The following ANKMY1 variants were observed in gnomAD, a reference collection of about 807,000 sequenced individuals.
ANKMY1 encodes the protein ankyrin repeat and MYND domain-containing protein 1.
A neutral mutation model predicts 102.0 loss-of-function variants in ANKMY1; 98 were observed. The observed-to-expected ratio is 0.96, with a 90% confidence interval of 0.82 to 1.14. The LOEUF (loss-of-function observed/expected upper bound fraction) is 1.14, where lower values mean the gene tolerates loss of function less well. ANKMY1 is among the 50% of genes most tolerant of loss of function. The pLI is 0.00. For synonymous variants in ANKMY1, 582 were observed against 559.9 expected (o/e 1.04, Z -0.56); for missense variants, 1,330 against 1,347.6 (o/e 0.99, Z 0.20).
chr2:240,508,523 C>T (rs2079501458), intron 12 of ANKMY1, among the ~76,000 whole-genome samples: 1 of 152,230 alleles, frequency 6.6e-6, no homozygotes, highest in African/African-American at 2.4e-5. Flanking sequence ...TTTCATGCCA[C>T]CCTGCTAAAG....
intron 4 of ANKMY1, among the ~76,000 whole-genome samples, chr2:240,537,355 T>C (rs1338839239): frequency 2.0e-5 from 3 of 152,228 alleles, no homozygotes; most frequent in African/African-American, 7.2e-5. Context: ...CAAAAAACAA[T>C]ATCCAGTCAA....
At chr2:240,561,032 G>C (rs780978886), upstream of ANKMY1, 5 of 1,533,260 alleles carry the variant, frequency 3.3e-6, no homozygotes, top group Admixed American at 2.1e-5. Context: ...TCTGCACCGC[G>C]TACCTCATGC....
intron 17 of ANKMY1, among the ~76,000 whole-genome samples, chr2:240,479,907 C>T (rs1001262468): frequency 2.6e-5 from 4 of 152,102 alleles, no homozygotes; most frequent in African/African-American, 9.7e-5. Flanking sequence ...TCACCGAGGG[C>T]GCCTGTTATT....
upstream of ANKMY1, chr2:240,560,975 C>T (rs769769611): frequency 5.0e-5 from 76 of 1,521,008 alleles, no homozygotes; most frequent in Non-Finnish European, 5.9e-5. Flanking sequence ...GCGCCGGCGG[C>T]GCCTGCCTAG....
chr2:240,471,471 C>T, the ANKMY1 span, among the ~76,000 whole-genome samples: 2 of 151,978 alleles, frequency 1.3e-5, no homozygotes, highest in Admixed American at 1.3e-4. Context: ...ACCCTGAGAA[C>T]TTTAGATGAC....
rs992512929 is a variant in ANKMY1, at chr2:240,513,102, G to A, written c.2005-160C>T. Among the ~76,000 whole-genome samples the A allele has an allele frequency of 2.6e-5, 4 of 152,344 alleles. No homozygotes were observed. In the East Asian group the frequency reaches 7.7e-4, roughly 29 times the overall value. On this transcript the variant is annotated intron_variant, in intron 9 of 17. Coordinates refer to ENST00000401804, the MANE Select transcript of ANKMY1 (RefSeq NM_001282771.3). The stretch of plus-strand genomic sequence containing the variant: ...AACGTGCAGGCTACTGGTCCCTGAA[G>A]GCAGTGTGGGCAAACTCCCAACACG...
chr2:240,509,410 G>A lies in ANKMY1; in HGVS notation c.2332C>T (p.Pro778Ser), dbSNP rs751654113. 3 of 1,613,826 alleles carry A rather than the reference G, an allele frequency of 1.9e-6. No individual in the cohort carries two copies. Among genetic ancestry groups the A allele is most frequent in the Non-Finnish European group, 2.5e-6 (3 of 1,179,878 alleles). ...VRLLLSHGAN[P>S]NLLWSGHSPL... Reference sequence around the variant, plus strand: ...GAGTGGCCACTCCACAGCAGGTTAGGATTTGCTCCGTGGGATAGAAGGAGC... The same window carrying A: ...GAGTGGCCACTCCACAGCAGGTTAGAATTTGCTCCGTGGGATAGAAGGAGC... Residue 778 changes from proline (P) to serine (S), a missense_variant, in exon 12 of 18, where the codon CCT becomes TCT. Physicochemically the swap from Pro to Ser is moderately conservative, Grantham distance 74 (BLOSUM62 -1). Transcript: ENST00000401804.
Position 240,557,988 on chromosome 2 carries a change from C to T in ANKMY1, c.-125G>A. The T allele has an allele frequency of 2.0e-6, 2 of 985,502 alleles. No homozygotes were observed. The highest frequency in any genetic ancestry group is 5.2e-4 in the Middle Eastern group (1 of 1,912). The allele number at this position is 985,502 out of a possible 1,614,324, so 61.0% of individuals were successfully genotyped here. A position where few individuals can be genotyped will look rare whatever the true frequency, so the allele number is the denominator to read the frequency against. ...CGACTGCTTGCCAGCCCTGCGCCTACGGAGAGCGTCGCGTTTCCCTGGAGA... is the reference window on the plus strand; with the variant it reads ...CGACTGCTTGCCAGCCCTGCGCCTATGGAGAGCGTCGCGTTTCCCTGGAGA... On this transcript the variant is annotated 5_prime_UTR_variant, in exon 1 of 18. Coordinates refer to ENST00000401804, the MANE Select transcript of ANKMY1 (RefSeq NM_001282771.3).
upstream of ANKMY1, chr2:240,561,054 C>G (rs2092937674): frequency 6.7e-7 from 1 of 1,501,164 alleles, no homozygotes; most frequent in African/African-American, 1.4e-5. Context: ...GCACCGCGGC[C>G]TCAGCCTGGC....
At chr2:240,469,351 G>A in the ANKMY1 span, among the ~76,000 whole-genome samples, 1 of 152,158 alleles carries the variant, frequency 6.6e-6, no homozygotes, top group African/African-American at 2.4e-5. Context: ...CCACCAGGGA[G>A]CTCCCAAGTT....
chr2:240,531,734 G>A (rs1035031829), intron 4 of ANKMY1, among the ~76,000 whole-genome samples: 10 of 152,152 alleles, frequency 6.6e-5, no homozygotes, highest in Non-Finnish European at 1.5e-4. Context: ...GAGGGTGGAG[G>A]TAGGGGTTTA....
chr2:240,477,321 A>C (rs994624440), downstream of ANKMY1, among the ~76,000 whole-genome samples: 4 of 152,240 alleles, frequency 2.6e-5, no homozygotes, highest in African/African-American at 9.6e-5. Flanking sequence ...TGTCTCAAAA[A>C]AAATAATAAA....
intron 4 of ANKMY1, among the ~76,000 whole-genome samples, chr2:240,536,539 C>T (rs2086791618): frequency 1.3e-5 from 2 of 152,178 alleles, no homozygotes; most frequent in Non-Finnish European, 2.9e-5. Flanking sequence ...ACTAAAGTAA[C>T]AGTGACAAGA....
intron 3 of ANKMY1, chr2:240,554,543 C>T (rs1323556744): frequency 7.2e-6 from 2 of 276,610 alleles, no homozygotes; most frequent in Non-Finnish European, 1.4e-5. Flanking sequence ...CTGCTTAAGC[C>T]TAGACACAGG....
intron 4 of ANKMY1, among the ~76,000 whole-genome samples, chr2:240,530,492 T>C (rs1052268939): frequency 7.2e-5 from 11 of 152,198 alleles, no homozygotes; most frequent in African/African-American, 1.4e-4. Context: ...CACCACATGA[T>C]GTGCCTGCTC....
intron 4 of ANKMY1, among the ~76,000 whole-genome samples, chr2:240,542,641 T>C (rs2089224741): frequency 6.6e-6 from 1 of 151,986 alleles, no homozygotes; most frequent in Non-Finnish European, 1.5e-5. Context: ...TTTGTATTGC[T>C]ATCTCACGGA....
intron 15 of ANKMY1, among the ~76,000 whole-genome samples, chr2:240,483,752 GGTACA>G (rs2075721913): frequency 6.6e-6 from 1 of 152,138 alleles, no homozygotes; most frequent in African/African-American, 2.4e-5. Flanking sequence ...TTGTTACCTA[GGTACA>G]CACATGCCAT....
At position 240,523,165 on chromosome 2, in the gene ANKMY1, G is replaced by A. The variant is rs536069380; in HGVS notation, c.1832+720C>T. On this transcript the variant is annotated intron_variant, in intron 8 of 17. Transcript: ENST00000401804. ...GAATATTCGAGGGGTGTGTACGCAA[G>A]GAGCAAGATTTAATGCAATTTGTCA... The A allele has an allele frequency of 9.8e-4, 149 of 152,370 alleles. 1 individual carries two copies. Among genetic ancestry groups the A allele is most frequent in the African/African-American group, 3.5e-3 (144 of 41,558 alleles). The allele number at this position is 152,370 out of a possible 1,614,324, so 9.4% of individuals were successfully genotyped here. A position where few individuals can be genotyped will look rare whatever the true frequency, so the allele number is the denominator to read the frequency against.
At chr2:240,507,787 TGAAA>T in intron 12 of ANKMY1, 96 bp from the exon 13 acceptor site, 2 of 1,412,992 alleles carry the variant, frequency 1.4e-6, no homozygotes, top group Non-Finnish European at 1.9e-6. Flanking sequence ...AACTAACCCC[TGAAA>T]GCAGGGGCTT....
Sources: allele counts gnomAD v4.1 joint callset (sites outside exome capture counted in the v4.1 genomes callset), GRCh38; gene constraint gnomAD v4.1.1; transcripts MANE v1.5; gene names NCBI Gene and HGNC (gene_info 2026-07-23, HGNC 2026-07-21).